KIDINS220: variants seen among roughly 807,000 people sequenced by gnomAD.
The protein encoded by KIDINS220 is kinase D-interacting substrate of 220 kDa.
A neutral mutation model predicts 157.6 loss-of-function variants in KIDINS220; 63 were observed. The ratio of observed to expected loss-of-function variants is 0.40; its 90% CI spans 0.33 to 0.49. The LOEUF is 0.49. Ranked by LOEUF, KIDINS220 falls within the 20% of genes least tolerant of loss-of-function variation. KIDINS220 has a pLI of 0.66. For missense variants in KIDINS220, 1,772 were observed against 2,171.2 expected (o/e 0.82, Z 3.65); for synonymous variants, 732 against 783.6 (o/e 0.93, Z 1.10).
intron 1 of KIDINS220, among the ~76,000 whole-genome samples, chr2:8,829,820 A>G (rs1387203232): frequency 6.6e-6 from 1 of 152,060 alleles, no homozygotes; most frequent in East Asian, 1.9e-4. Flanking sequence ...GAGGGTTTGT[A>G]TTAGCAGTCA....
intron 22 of KIDINS220, among the ~76,000 whole-genome samples, chr2:8,765,626 A>T (rs903954564): frequency 6.6e-6 from 1 of 152,186 alleles, no homozygotes; most frequent in Non-Finnish European, 1.5e-5. Flanking sequence ...CTGCAACAGG[A>T]CTGTAGGTGA....
At chr2:8,785,167 G>A (rs1672228714) in intron 17 of KIDINS220, among the ~76,000 whole-genome samples, 1 of 152,158 alleles carries the variant, frequency 6.6e-6, no homozygotes, top group Non-Finnish European at 1.5e-5. Flanking sequence ...GACTACACAT[G>A]TATGATTCAA....
intron 26 of KIDINS220, among the ~76,000 whole-genome samples, chr2:8,745,786 G>A (rs184217621): frequency 4.5e-4 from 69 of 152,232 alleles, no homozygotes; most frequent in Admixed American, 3.7e-3. Context: ...GCAAAAGAGC[G>A]AAACTCCGTC....
chr2:8,738,053 C>A (rs1665128089), intron 26 of KIDINS220, among the ~76,000 whole-genome samples: 1 of 152,104 alleles, frequency 6.6e-6, no homozygotes, highest in South Asian at 2.1e-4. Flanking sequence ...GATACAGTTA[C>A]AATTGTTTAC....
chr2:8,829,367 A>T (rs1177981352), intron 1 of KIDINS220, among the ~76,000 whole-genome samples: 1 of 152,222 alleles, frequency 6.6e-6, no homozygotes, highest in Admixed American at 6.5e-5. Context: ...AACAACTTGA[A>T]TTTATACTCT....
Position 8,813,350 on chromosome 2 carries a change from T to C in KIDINS220, c.307-15A>G, listed in dbSNP as rs186340508. Reference sequence around the variant, plus strand: ...GTCCATCCTCCCTAAACAAAAAATGTAGGGGTAAGGGAATCAAACTTTAAA... The same window carrying C: ...GTCCATCCTCCCTAAACAAAAAATGCAGGGGTAAGGGAATCAAACTTTAAA... On this transcript the variant is annotated splice_polypyrimidine_tract_variant and intron_variant, in intron 4 of 29. Transcript: ENST00000256707. The C allele has an allele frequency of 6.4e-5, 100 of 1,572,670 alleles. No homozygotes were observed. The East Asian group carries it at 2.2e-3, about 34-fold the overall frequency.
intron 2 of KIDINS220, among the ~76,000 whole-genome samples, chr2:8,821,652 T>C (rs548719125): frequency 6.6e-6 from 1 of 152,344 alleles, no homozygotes; most frequent in Admixed American, 6.5e-5. Context: ...TCTAAATCAC[T>C]GTTTTGAGAG....
rs1158381651 is a variant in KIDINS220, at chr2:8,730,943, T to C, written c.5093A>G (p.Asn1698Ser). 1.9e-6 allele frequency: 3 copies of C among 1,614,102 alleles called. No homozygotes were observed. In the African/African-American group the frequency reaches 4.0e-5, roughly 22 times the overall value. The change falls in exon 30 of 30, where the codon AAT becomes AGT. Residue 1698 changes from asparagine (N) to serine (S), a missense_variant. Physicochemically the swap from Asn to Ser is conservative, Grantham distance 46. Transcript: ENST00000256707. The stretch of plus-strand genomic sequence containing the variant: ...CCTAATTCCCTCCATCTCATCGAAA[T>C]TTTGATTGGCTCTGTTGGCTGGAGC... Reference protein sequence around the residue: ...NSAPANRANQNFDEMEGIRET... With the variant: ...NSAPANRANQSFDEMEGIRET...
chr2:8,822,553 A>G (rs1678141989), intron 2 of KIDINS220, among the ~76,000 whole-genome samples: 1 of 152,186 alleles, frequency 6.6e-6, no homozygotes, highest in Non-Finnish European at 1.5e-5. Flanking sequence ...GCTTAAGCCC[A>G]GCAGGTCAAG....
chr2:8,832,009 C>G (rs143418834), intron 1 of KIDINS220, among the ~76,000 whole-genome samples: 4 of 152,194 alleles, frequency 2.6e-5, no homozygotes, highest in Non-Finnish European at 5.9e-5. Flanking sequence ...AGCCTTACTC[C>G]ATACCTCTTG....
At chr2:8,829,617 T>A (rs1360552098) in intron 1 of KIDINS220, among the ~76,000 whole-genome samples, 2 of 152,278 alleles carry the variant, frequency 1.3e-5, no homozygotes, top group East Asian at 3.9e-4. Context: ...AAAATGCTCA[T>A]GATAGAAGAA....
chr2:8,776,906 T>A lies in KIDINS220; in HGVS notation c.2704-14A>T, dbSNP rs779431493. 1 of 1,612,564 alleles carries A rather than the reference T, an allele frequency of 6.2e-7. No homozygotes were observed. The highest frequency in any genetic ancestry group is 8.5e-7 in the Non-Finnish European group (1 of 1,179,344). On this transcript the variant is annotated splice_polypyrimidine_tract_variant and intron_variant, in intron 20 of 29. Coordinates refer to ENST00000256707, the MANE Select transcript of KIDINS220 (RefSeq NM_020738.4). Reference sequence around the variant, plus strand: ...TCGGTAAGTGTCCTGAAACAGCACGTCGTCAGTGAGAAGGAACCCACGCGT... The same window carrying A: ...TCGGTAAGTGTCCTGAAACAGCACGACGTCAGTGAGAAGGAACCCACGCGT...
chr2:8,747,837 T>C, intron 25 of KIDINS220, 50 bp downstream of exon 25: 1 of 1,182,966 alleles, frequency 8.5e-7, no homozygotes, highest in Non-Finnish European at 1.2e-6. Context: ...TCAAATGCTA[T>C]CTATGTTTAT....
At position 8,731,388 on chromosome 2, in the gene KIDINS220, C is replaced by G. The variant is rs1211399136; in HGVS notation, c.4648G>C (p.Glu1550Gln). Residue 1550 changes from glutamate to glutamine, a missense_variant, in exon 30 of 30, where the codon GAG becomes CAG. Around this residue, in one of 3 missense-constraint regions of KIDINS220, gnomAD observed 793 missense variants for 885.5 expected, o/e 0.90. Transcript: ENST00000256707. This position sits in a 1 kb window ranked among gnomAD's most constrained non-coding sequence, Gnocchi z 5.2. ...DKDRKAEGKVERVPKSPEHSA... is the reference protein window; with the variant it reads ...DKDRKAEGKVQRVPKSPEHSA... The stretch of plus-strand genomic sequence containing the variant: ...TGTTCTGGAGACTTCGGCACTCTCT[C>G]TACTTTCCCTTCGGCTTTTCTGTCT... The G allele has an allele frequency of 6.2e-7, 1 of 1,614,214 alleles. No homozygotes were observed. The highest frequency in any genetic ancestry group is 8.5e-7 in the Non-Finnish European group (1 of 1,180,034).
chr2:8,811,130 G>T (rs1435829726), intron 6 of KIDINS220, among the ~76,000 whole-genome samples: 1 of 152,112 alleles, frequency 6.6e-6, no homozygotes, highest in East Asian at 1.9e-4. Context: ...TGTACTTAAA[G>T]AAATTTATGC....
chr2:8,749,457 G>A (rs1452922295), intron 24 of KIDINS220: 1 of 455,042 alleles, frequency 2.2e-6, no homozygotes, highest in South Asian at 1.6e-5. Flanking sequence ...TCATTAAAGT[G>A]AGAATATAGC....
At chr2:8,827,619 C>T (rs775184301) in intron 1 of KIDINS220, among the ~76,000 whole-genome samples, 3 of 152,158 alleles carry the variant, frequency 2.0e-5, no homozygotes, top group African/African-American at 2.4e-5. Flanking sequence ...GACTCACCTG[C>T]GTCACTATCA....
At chr2:8,829,185 A>T (rs1264706927) in intron 1 of KIDINS220, among the ~76,000 whole-genome samples, 2 of 152,242 alleles carry the variant, frequency 1.3e-5, no homozygotes, top group Admixed American at 1.3e-4. Context: ...AGATGGCTAC[A>T]AAAGAGTACA....
intron 9 of KIDINS220, among the ~76,000 whole-genome samples, chr2:8,799,273 A>ATT (rs57115595): frequency 2.0e-5 from 3 of 146,764 alleles, no homozygotes; most frequent in African/African-American, 7.6e-5. Context: ...TTCCTTTTCT[A>ATT]TTTTTTTTTT....
Sources: allele counts gnomAD v4.1 joint callset (sites outside exome capture counted in the v4.1 genomes callset), GRCh38; gene constraint gnomAD v4.1.1; regional missense constraint gnomAD v4.1.1; non-coding constraint Gnocchi (gnomAD v3.1); transcripts MANE v1.5; gene names NCBI Gene and HGNC (gene_info 2026-07-23, HGNC 2026-07-21).